The following GPC6 variants were observed in gnomAD, a reference collection of about 807,000 sequenced individuals.
GPC6 encodes glypican 6.
A neutral mutation model predicts 55.2 loss-of-function variants in GPC6; 14 were observed. The ratio of observed to expected loss-of-function variants is 0.25; its 90% CI spans 0.17 to 0.40. GPC6 has a LOEUF of 0.40. Ranked by LOEUF, GPC6 falls within the 10% of genes least tolerant of loss-of-function variation. The pLI is 1.00. For synonymous variants in GPC6, 278 were observed against 259.6 expected (o/e 1.07, Z -0.68); for missense variants, 641 against 708.5 (o/e 0.90, Z 1.08).
intron 6 of GPC6, among the ~76,000 whole-genome samples, chr13:94,309,603 C>T (rs1876131585): frequency 2.0e-5 from 3 of 152,058 alleles, no homozygotes; most frequent in Admixed American, 6.6e-5. Flanking sequence ...ACATAAGAAG[C>T]AGTTGAGGTA....
chr13:94,286,977 C>A (rs1175606293), intron 5 of GPC6, among the ~76,000 whole-genome samples: 1 of 152,062 alleles, frequency 6.6e-6, no homozygotes, highest in East Asian at 1.9e-4. Context: ...GAAAATGCTC[C>A]TTTGTATGAA....
intron 3 of GPC6, among the ~76,000 whole-genome samples, chr13:93,879,461 G>C (rs1243949212): frequency 6.6e-6 from 1 of 151,906 alleles, no homozygotes; most frequent in East Asian, 1.9e-4. Flanking sequence ...CAAGCAATGG[G>C]GAAAGGATTC....
intron 3 of GPC6, among the ~76,000 whole-genome samples, chr13:93,882,768 A>G (rs1337930608): frequency 1.3e-5 from 2 of 152,048 alleles, no homozygotes; most frequent in Non-Finnish European, 2.9e-5. Context: ...TCTGTCTTAA[A>G]CCAAACTCAG....
At position 94,005,756 on chromosome 13, in the gene GPC6, T is replaced by C. The variant is rs567299915; in HGVS notation, c.712-21973T>C. Among the ~76,000 whole-genome samples the C allele has an allele frequency of 2.0e-5, 3 of 152,304 alleles. No homozygotes were observed. The East Asian group carries it at 5.8e-4, about 29-fold the overall frequency. ...AATATTAAACATGTTTATTATTTTA[T>C]TCCCATCCCGTTCCATCTGGCTTAT... On this transcript the variant is annotated intron_variant, in intron 3 of 8. Transcript: ENST00000377047.
intron 1 of GPC6, among the ~76,000 whole-genome samples, chr13:93,406,287 T>G (rs191296648): frequency 1.3e-4 from 20 of 152,200 alleles, no homozygotes; most frequent in Admixed American, 7.2e-4. Context: ...TAGAATCCTT[T>G]TAAATACAGT....
At position 94,039,731 on chromosome 13, in the gene GPC6, C is replaced by A. The variant is rs143833024; in HGVS notation, c.877+11837C>A. On this transcript the variant is annotated intron_variant, in intron 4 of 8. Transcript: ENST00000377047. ...GTTTTCACAGCCCAGATGTGGCCAA[C>A]GTAATCAACTCTGACAGATTGTACC... Among the ~76,000 whole-genome samples, 943 of 151,920 alleles carry A rather than the reference C, an allele frequency of 6.2e-3. 7 individuals carry two copies. Among genetic ancestry groups the A allele is most frequent in the Non-Finnish European group, 0.011 (713 of 67,844 alleles).
intron 1 of GPC6, among the ~76,000 whole-genome samples, chr13:93,285,775 T>C (rs549532930): frequency 6.6e-6 from 1 of 152,092 alleles, no homozygotes; most frequent in African/African-American, 2.4e-5. Flanking sequence ...TCAAAAAGTA[T>C]GAAAATTATA....
chr13:93,365,779 A>T (rs1881225510), intron 1 of GPC6, among the ~76,000 whole-genome samples: 2 of 151,738 alleles, frequency 1.3e-5, no homozygotes, highest in South Asian at 4.2e-4. Context: ...TACATGGTAG[A>T]CTCCTACCAA....
At chr13:94,161,931 G>A (rs1166095869) in intron 4 of GPC6, among the ~76,000 whole-genome samples, 1 of 152,114 alleles carries the variant, frequency 6.6e-6, no homozygotes, top group Non-Finnish European at 1.5e-5. Context: ...GCAGGCAAGA[G>A]AAGAATGGGA....
intron 3 of GPC6, among the ~76,000 whole-genome samples, chr13:93,870,664 T>C (rs1889103211): frequency 1.3e-5 from 2 of 151,688 alleles, no homozygotes; most frequent in Admixed American, 1.3e-4. Context: ...TTAGTCCAAA[T>C]CCAATATGAT....
intron 3 of GPC6, among the ~76,000 whole-genome samples, chr13:93,989,913 TAC>T (rs199681716): frequency 7.8e-6 from 1 of 127,748 alleles, no homozygotes; most frequent in Non-Finnish European, 1.7e-5. Context: ...TATATATATA[TAC>T]ACACATATAT....
At chr13:93,538,276 A>G (rs1014607172) in intron 1 of GPC6, among the ~76,000 whole-genome samples, 1 of 152,182 alleles carries the variant, frequency 6.6e-6, no homozygotes. Flanking sequence ...CCATGTGTGT[A>G]GAAGTTTAGA....
At chr13:94,363,386 TCTA>T (rs1187573645) in intron 6 of GPC6, among the ~76,000 whole-genome samples, 1 of 152,198 alleles carries the variant, frequency 6.6e-6, no homozygotes, top group Admixed American at 6.5e-5. Flanking sequence ...CAAACAGACT[TCTA>T]CTGTAACCTA....
At chr13:93,526,700 C>T (rs894132349) in intron 1 of GPC6, among the ~76,000 whole-genome samples, 2 of 152,082 alleles carry the variant, frequency 1.3e-5, no homozygotes, top group Non-Finnish European at 2.9e-5. Flanking sequence ...TGAATGTCAT[C>T]CCACTCTAGC....
At chr13:94,209,503 CT>C (rs1456177105) in intron 4 of GPC6, among the ~76,000 whole-genome samples, 1 of 152,148 alleles carries the variant, frequency 6.6e-6, no homozygotes, top group Non-Finnish European at 1.5e-5. Flanking sequence ...CCAGAGTACA[CT>C]TTAATGCTCC....
intron 3 of GPC6, among the ~76,000 whole-genome samples, chr13:94,009,393 C>G (rs1222939344): frequency 6.6e-6 from 1 of 152,134 alleles, no homozygotes; most frequent in Non-Finnish European, 1.5e-5. Context: ...TAATTTGTTT[C>G]TCTACATGCA....
At chr13:94,241,966 C>T (rs1400432354) in intron 4 of GPC6, among the ~76,000 whole-genome samples, 1 of 151,670 alleles carries the variant, frequency 6.6e-6, no homozygotes, top group South Asian at 2.1e-4. Context: ...ATGTGCACAA[C>T]GTGCAGGTTT....
At chr13:93,635,441 A>G (rs1189361919) in intron 2 of GPC6, among the ~76,000 whole-genome samples, 1 of 152,172 alleles carries the variant, frequency 6.6e-6, no homozygotes, top group Non-Finnish European at 1.5e-5. Flanking sequence ...TTTAGAGTAG[A>G]AGATGGATGT....
intron 4 of GPC6, among the ~76,000 whole-genome samples, chr13:94,209,674 T>G (rs1203405748): frequency 6.6e-6 from 1 of 152,182 alleles, no homozygotes; most frequent in Non-Finnish European, 1.5e-5. Context: ...TACACAGTTC[T>G]GATAATATCA....
Sources: allele counts gnomAD v4.1 joint callset (sites outside exome capture counted in the v4.1 genomes callset), GRCh38; gene constraint gnomAD v4.1.1; transcripts MANE v1.5; gene names NCBI Gene and HGNC (gene_info 2026-07-23, HGNC 2026-07-21).